ASAP3: variants seen among roughly 807,000 people sequenced by gnomAD.
ASAP3 encodes arf-GAP with SH3 domain, ANK repeat and PH domain-containing protein 3.
A neutral mutation model predicts 118.2 loss-of-function variants in ASAP3; 85 were observed. That is an observed-to-expected ratio of 0.72 (90% CI 0.60 to 0.86). ASAP3 has a LOEUF of 0.86. Ranked by LOEUF, ASAP3 falls within the 40% of genes least tolerant of loss-of-function variation. The pLI, the probability that ASAP3 is intolerant of heterozygous loss-of-function variation, is 0.00. For synonymous variants in ASAP3, 432 were observed against 477.4 expected, an observed-to-expected ratio of 0.90 and a Z score of 1.24; for missense variants, 1,026 against 1,175.0, an observed-to-expected ratio of 0.87 and a Z score of 1.85.
chr1:23,456,763 C>T (rs938750768), intron 1 of ASAP3, among the ~76,000 whole-genome samples: 1 of 152,102 alleles, frequency 6.6e-6, no homozygotes, highest in East Asian at 1.9e-4. Flanking sequence ...TATGTCAGGA[C>T]AAGGAGGAAG....
chr1:23,435,773 G>GT, intron 17 of ASAP3, 78 bp downstream of exon 17: 4 of 1,534,942 alleles, frequency 2.6e-6, no homozygotes, highest in Non-Finnish European at 3.6e-6. Flanking sequence ...GTGGAGGGGA[G>GT]TAACAGCTGG....
At chr1:23,470,862 C>A (rs532390034) in intron 1 of ASAP3, among the ~76,000 whole-genome samples, 1 of 152,236 alleles carries the variant, frequency 6.6e-6, no homozygotes, top group Non-Finnish European at 1.5e-5. Flanking sequence ...GAGGCCTCTG[C>A]AAACCCCAAG....
At chr1:23,470,053 G>A (rs1641910269) in intron 1 of ASAP3, among the ~76,000 whole-genome samples, 2 of 152,188 alleles carry the variant, frequency 1.3e-5, no homozygotes, top group South Asian at 4.1e-4. Context: ...ACAAGGCCAT[G>A]AGACCAAGAG....
chr1:23,456,286 A>C, intron 1 of ASAP3, 92 bp from the exon 2 acceptor site: 1 of 1,187,088 alleles, frequency 8.4e-7, no homozygotes, highest in Non-Finnish European at 1.2e-6. Flanking sequence ...CCACCCCCCA[A>C]CCGCCCTCCA....
chr1:23,463,648 C>T (rs1016455670), intron 1 of ASAP3, among the ~76,000 whole-genome samples: 3 of 152,120 alleles, frequency 2.0e-5, no homozygotes, highest in Non-Finnish European at 4.4e-5. Context: ...GTTGCCCAGC[C>T]TGGAGTGCAA....
intron 1 of ASAP3, among the ~76,000 whole-genome samples, chr1:23,468,454 T>C (rs1226217636): frequency 6.6e-6 from 1 of 152,204 alleles, no homozygotes; most frequent in Non-Finnish European, 1.5e-5. Flanking sequence ...GGAAGATCAA[T>C]GAAACTCCAA....
Position 23,437,088 on chromosome 1 carries a change from C to T in ASAP3, c.1342+42G>A, listed in dbSNP as rs1465265817. The T allele has an allele frequency of 6.2e-7, 1 of 1,601,576 alleles. No individual in the cohort carries two copies. Among genetic ancestry groups the T allele is most frequent in the Non-Finnish European group, 8.5e-7 (1 of 1,173,822 alleles). On this transcript the variant is annotated intron_variant, in intron 14 of 24. Transcript: ENST00000336689. The surrounding 1 kb of genome is among the most constrained non-coding windows in gnomAD (Gnocchi z 6.1). ...GGAGCCTGGAGGTGCAGCCCCTCCC[C>T]TCCACTTAAGCCTCCCTCCTGCCCC...
rs2148610492 is a variant in ASAP3, at chr1:23,437,218, A to G, written c.1254T>C (p.Asp418=). Reference sequence around the variant, plus strand: ...GCTTTGTGAGGTCGTGCGGCTCCCCATCATGGCCGGCGGACCCCCAGGACC... The same window carrying G: ...GCTTTGTGAGGTCGTGCGGCTCCCCGTCATGGCCGGCGGACCCCCAGGACC... ...GPGSWGSAGH[D]GEPHDLTKLL... Residue 418 remains aspartate (D), a synonymous_variant, in exon 14 of 25, where the codon GAT becomes GAC. Transcript: ENST00000336689. This position sits in a 1 kb window ranked among gnomAD's most constrained non-coding sequence, Gnocchi z 6.1. The G allele has an allele frequency of 6.2e-7, 1 of 1,600,274 alleles. No homozygotes were observed. Among genetic ancestry groups the G allele is most frequent in the Non-Finnish European group, 8.5e-7 (1 of 1,173,726 alleles).
At chr1:23,462,378 C>A (rs1451759373) in intron 1 of ASAP3, among the ~76,000 whole-genome samples, 1 of 152,028 alleles carries the variant, frequency 6.6e-6, no homozygotes. Context: ...AGCTTCCCAG[C>A]CAGATACCAT....
At position 23,433,665 on chromosome 1, in the gene ASAP3, G is replaced by A. The variant is rs1323152965; in HGVS notation, c.1980C>T (p.Asp660=). Reference sequence around the variant, plus strand: ...CCTTGTGGTGCTTCTTCCTGGCTATGTCCAGAGCTGTCTCGCCTGCTTCAT... The same window carrying A: ...CCTTGTGGTGCTTCTTCCTGGCTATATCCAGAGCTGTCTCGCCTGCTTCAT... ...TVNEAGETAL[D]IARKKHHKEC... is the part of the protein sequence containing the mutation. Residue 660 remains aspartate (D), a synonymous_variant, in exon 20 of 25, where the codon GAC becomes GAT. Coordinates refer to ENST00000336689, the MANE Select transcript of ASAP3 (RefSeq NM_017707.4). 6.2e-7 allele frequency: 1 copy of A among 1,614,112 alleles called. No individual in the cohort carries two copies. Among genetic ancestry groups the A allele is most frequent in the Admixed American group, 1.7e-5 (1 of 60,012 alleles).
In ASAP3 at chr1:23,436,418, C is replaced by T; in HGVS notation, c.1571+142G>A. 1 of 903,094 alleles carries T rather than the reference C, an allele frequency of 1.1e-6. No individual in the cohort carries two copies. Among genetic ancestry groups the T allele is most frequent in the Non-Finnish European group, 1.7e-6 (1 of 596,884 alleles). The allele number at this position is 903,094 out of a possible 1,614,324, so 55.9% of individuals were successfully genotyped here. On this transcript the variant is annotated intron_variant, in intron 16 of 24. Coordinates refer to ENST00000336689, the MANE Select transcript of ASAP3 (RefSeq NM_017707.4). This position sits in a 1 kb window ranked among gnomAD's most constrained non-coding sequence, Gnocchi z 4.2. ...CCTCAAGTGATCCGCCCGCCTTGGC[C>T]TCCCAAAGTGCTGGGATTACAGGCG...
At chr1:23,441,784 T>C (rs1640882503) in intron 7 of ASAP3, 54 bp from the exon 8 acceptor site, 7 of 1,593,768 alleles carry the variant, frequency 4.4e-6, no homozygotes, top group African/African-American at 2.7e-5. Context: ...AAATGAGAGA[T>C]GAAGCCAGAA....
intron 1 of ASAP3, among the ~76,000 whole-genome samples, chr1:23,458,999 G>A (rs1641480711): frequency 6.6e-6 from 1 of 151,894 alleles, no homozygotes; most frequent in African/African-American, 2.4e-5. Flanking sequence ...GCGAAACACT[G>A]TCTCTACTAA....
intron 3 of ASAP3, among the ~76,000 whole-genome samples, chr1:23,454,333 C>G (rs1024631291): frequency 6.6e-6 from 1 of 152,104 alleles, no homozygotes; most frequent in Admixed American, 6.6e-5. Flanking sequence ...ATTACAGGCA[C>G]CTGATACCAC....
At chr1:23,462,028 CT>C (rs531739489) in intron 1 of ASAP3, among the ~76,000 whole-genome samples, 279 of 143,764 alleles carry the variant, frequency 1.9e-3, no homozygotes, top group Admixed American at 2.0e-3. Context: ...TTTTTCTTTT[CT>C]TTTTTTTTTT....
At position 23,484,003 on chromosome 1, in the gene ASAP3, ACCT is replaced by A. The variant is rs1425522117; in HGVS notation, c.128_129+1del. 7.8e-7 allele frequency: 1 copy of A among 1,286,902 alleles called. No homozygotes were observed. The highest frequency in any genetic ancestry group is 9.8e-7 in the Non-Finnish European group (1 of 1,019,578). The allele number at this position is 1,286,902 out of a possible 1,614,324, so 79.7% of individuals were successfully genotyped here. A position where few individuals can be genotyped will look rare whatever the true frequency, so the allele number is the denominator to read the frequency against. ...CGACCCCTCCCGCCTCGGCCCCCTC[ACCT>A]CCTCCCGCGCCAGCGCCGCCCCTCG... On this transcript the variant is annotated splice_donor_variant and coding_sequence_variant, in exon 1 of 25. Transcript: ENST00000336689. LOFTEE classifies it high-confidence loss of function.
At chr1:23,439,963 C>T (rs1187320331) in intron 10 of ASAP3, among the ~76,000 whole-genome samples, 2 of 151,846 alleles carry the variant, frequency 1.3e-5, no homozygotes, top group Non-Finnish European at 2.9e-5. Flanking sequence ...TACAGGCTCA[C>T]GCCACCATAC....
At position 23,438,160 on chromosome 1, in the gene ASAP3, A is replaced by G. The variant is rs1640742610; in HGVS notation, c.1102+587T>C. 6.6e-6 allele frequency among the ~76,000 whole-genome samples: 1 copy of G among 152,046 alleles called. No homozygotes were observed. Among genetic ancestry groups the G allele is most frequent in the Admixed American group, 6.5e-5 (1 of 15,270 alleles). ...CTACATGTCCTTCAAGGCTAAACTC[A>G]AATACTGTCTCCTCCAGGAGCCTTT... is the stretch of plus-strand genomic sequence containing the variant. On this transcript the variant is annotated intron_variant, in intron 12 of 24. Transcript: ENST00000336689. This position sits in a 1 kb window ranked among gnomAD's most constrained non-coding sequence, Gnocchi z 4.9.
At chr1:23,462,731 C>T (rs1219306599) in intron 1 of ASAP3, among the ~76,000 whole-genome samples, 1 of 152,068 alleles carries the variant, frequency 6.6e-6, no homozygotes, top group East Asian at 1.9e-4. Context: ...TGCACCCCAG[C>T]CAGGAGGGCA....
Sources: allele counts gnomAD v4.1 joint callset (sites outside exome capture counted in the v4.1 genomes callset), GRCh38; gene constraint gnomAD v4.1.1; non-coding constraint Gnocchi (gnomAD v3.1); transcripts MANE v1.5; gene names NCBI Gene and HGNC (gene_info 2026-07-23, HGNC 2026-07-21).